Variants in NEDD4L observed in about 807,000 individuals in gnomAD.
NEDD4L encodes E3 ubiquitin-protein ligase NEDD4-like.
In NEDD4L, 54 loss-of-function variants were observed where a neutral mutation model predicts 148.9. That is an observed-to-expected ratio of 0.36 (90% CI 0.29 to 0.45). The LOEUF is 0.45. Among genes scored for constraint, NEDD4L ranks in the 20% least tolerant of loss-of-function variants. NEDD4L has a pLI of 1.00. For missense variants in NEDD4L, 856 were observed against 1,233.8 expected (o/e 0.69, Z 4.59); for synonymous variants, 433 against 440.7 (o/e 0.98, Z 0.22).
intron 1 of NEDD4L, among the ~76,000 whole-genome samples, chr18:58,092,359 G>T (rs2084122681): frequency 6.6e-6 from 1 of 152,200 alleles, no homozygotes; most frequent in African/African-American, 2.4e-5. Context: ...GGGGGATTGT[G>T]TGTAGAAGGC....
At chr18:58,214,709 G>A (rs2042968721) in intron 2 of NEDD4L, among the ~76,000 whole-genome samples, 1 of 150,352 alleles carries the variant, frequency 6.7e-6, no homozygotes, top group African/African-American at 2.4e-5. Context: ...AGAGCTTTGG[G>A]GTTTTTTCTC....
intron 1 of NEDD4L, among the ~76,000 whole-genome samples, chr18:58,159,971 A>G (rs901787268): frequency 6.6e-6 from 1 of 152,236 alleles, no homozygotes. Context: ...CTGTGCAGGA[A>G]GAACACTATT....
chr18:58,350,962 T>C lies in NEDD4L; in HGVS notation c.1654-29T>C, dbSNP rs1046285822. On this transcript the variant is annotated intron_variant, in intron 17 of 30. Coordinates refer to ENST00000400345, the MANE Select transcript of NEDD4L (RefSeq NM_001144967.3). ...GAACTCCTAGCTAATGTTTATATTTTCTCTCTCCCTTCCTTCCCCGGATAC... is the reference window on the plus strand; with the variant it reads ...GAACTCCTAGCTAATGTTTATATTTCCTCTCTCCCTTCCTTCCCCGGATAC... 6.4e-6 allele frequency: 10 copies of C among 1,552,982 alleles called. No individual in the cohort carries two copies. The African/African-American group carries it at 9.5e-5, about 15-fold the overall frequency.
At chr18:58,353,504 C>T (rs921830126) in intron 18 of NEDD4L, among the ~76,000 whole-genome samples, 5 of 152,216 alleles carry the variant, frequency 3.3e-5, no homozygotes, top group African/African-American at 1.2e-4. Flanking sequence ...CTTAGCTGTT[C>T]ATGCTACGTT....
intron 19 of NEDD4L, among the ~76,000 whole-genome samples, chr18:58,361,706 A>G (rs1263158966): frequency 6.6e-6 from 1 of 152,202 alleles, no homozygotes; most frequent in Non-Finnish European, 1.5e-5. Flanking sequence ...ACCGACCTAC[A>G]CAATAAGGCA....
At chr18:58,072,873 C>CAT (rs35024815) in intron 1 of NEDD4L, among the ~76,000 whole-genome samples, 2 of 12,408 alleles carry the variant, frequency 1.6e-4, no homozygotes, top group Non-Finnish European at 2.8e-4. Context: ...CGCGCGCGCG[C>CAT]ACACACACAC....
chr18:58,325,197 G>A (rs1385860465), intron 9 of NEDD4L, 35 bp downstream of exon 9: 11 of 1,610,586 alleles, frequency 6.8e-6, no homozygotes, highest in African/African-American at 6.7e-5. Flanking sequence ...ACACGTGCAC[G>A]TGCACTGCAC....
intron 1 of NEDD4L, among the ~76,000 whole-genome samples, chr18:58,081,421 T>C (rs1396332109): frequency 6.6e-6 from 1 of 152,070 alleles, no homozygotes; most frequent in African/African-American, 2.4e-5. Context: ...TTCACCGTGT[T>C]AGCCAGGAAG....
At position 58,044,763 on chromosome 18, in the gene NEDD4L, C is replaced by A. The variant is rs1598898543; in HGVS notation, c.48+55C>A. Reference sequence around the variant, plus strand: ...TCCCCGGGGAGTTCCTATCCCGCGCCGGCAGGGGGAGGGGAAAGGGGCCGT... The same window carrying A: ...TCCCCGGGGAGTTCCTATCCCGCGCAGGCAGGGGGAGGGGAAAGGGGCCGT... On this transcript the variant is annotated intron_variant, in intron 1 of 30. Transcript: ENST00000400345. 4 of 1,583,884 alleles carry A rather than the reference C, an allele frequency of 2.5e-6. No homozygotes were observed. The South Asian group carries it at 4.6e-5, about 18-fold the overall frequency.
chr18:58,331,025 T>A, intron 11 of NEDD4L, 111 bp downstream of exon 11: 1 of 1,072,964 alleles, frequency 9.3e-7, no homozygotes, highest in South Asian at 1.6e-5. Flanking sequence ...AGCTCCCAGC[T>A]AACTCTGACA....
chr18:58,053,314 T>C (rs1489547575), intron 1 of NEDD4L, among the ~76,000 whole-genome samples: 1 of 152,082 alleles, frequency 6.6e-6, no homozygotes, highest in African/African-American at 2.4e-5. Context: ...TAACAATTTT[T>C]TTTTTTTCTT....
At chr18:58,087,689 A>G (rs998384274) in intron 1 of NEDD4L, among the ~76,000 whole-genome samples, 3 of 152,118 alleles carry the variant, frequency 2.0e-5, no homozygotes, top group Non-Finnish European at 4.4e-5. Context: ...ATCCTGACCA[A>G]CATGGAGAAA....
At chr18:58,333,740 GAT>G in intron 11 of NEDD4L, 76 bp from the exon 12 acceptor site, 1 of 943,770 alleles carries the variant, frequency 1.1e-6, no homozygotes, top group Non-Finnish European at 1.7e-6. Flanking sequence ...ATGGTTGAGT[GAT>G]ATGTTTGTTA....
chr18:58,149,311 A>G (rs2034427012), intron 1 of NEDD4L: 1 of 1,197,720 alleles, frequency 8.3e-7, no homozygotes, highest in Non-Finnish European at 1.1e-6. Context: ...CTGTGATTTG[A>G]TGTGAGCCAG....
intron 9 of NEDD4L, 52 bp downstream of exon 9, chr18:58,325,214 G>A: frequency 6.3e-7 from 1 of 1,589,654 alleles, no homozygotes; most frequent in Non-Finnish European, 8.6e-7. Context: ...GCACAGCTAG[G>A]GACAAATATG....
At chr18:58,071,341 CAG>C (rs1289942445) in intron 1 of NEDD4L, among the ~76,000 whole-genome samples, 1 of 151,838 alleles carries the variant, frequency 6.6e-6, no homozygotes, top group African/African-American at 2.4e-5. Context: ...GGTGACCAAA[CAG>C]AGAATGGGAA....
chr18:58,224,107 C>G (rs79305938), intron 2 of NEDD4L, among the ~76,000 whole-genome samples: 1 of 152,132 alleles, frequency 6.6e-6, no homozygotes, highest in Admixed American at 6.5e-5. Flanking sequence ...CAGTGGAGTT[C>G]CGTAGAATAC....
At chr18:58,359,008 A>C (rs1316976229) in intron 19 of NEDD4L, among the ~76,000 whole-genome samples, 3 of 152,036 alleles carry the variant, frequency 2.0e-5, no homozygotes, top group Non-Finnish European at 2.9e-5. Flanking sequence ...TTTTCTTTTT[A>C]AAAAGAATGT....
intron 29 of NEDD4L, among the ~76,000 whole-genome samples, chr18:58,391,100 G>A (rs1362884001): frequency 6.6e-6 from 1 of 151,986 alleles, no homozygotes; most frequent in Non-Finnish European, 1.5e-5. Flanking sequence ...GAATTTTTCA[G>A]TGTTTACCAT....
Sources: gnomAD v4.1 joint callset for allele counts (sites outside exome capture counted in the v4.1 genomes callset) on GRCh38, gnomAD v4.1.1 for gene constraint, MANE v1.5 for transcripts, NCBI Gene and HGNC (gene_info 2026-07-23, HGNC 2026-07-21) for gene names.